Variants in DIP2B observed in about 807,000 individuals in gnomAD.
The protein encoded by DIP2B is DIP2 acetate--CoA ligase B (putative).
In DIP2B, 76 loss-of-function variants were observed where a neutral mutation model predicts 198.0. The observed-to-expected ratio is 0.38, with a 90% CI of 0.32 to 0.46. The LOEUF is 0.46. Among genes scored for constraint, DIP2B ranks in the 20% least tolerant of loss-of-function variants. The probability of loss-of-function intolerance (pLI) is 0.99; values close to 1 mark genes in which losing one functional copy is unlikely to be tolerated. For synonymous variants in DIP2B, 701 were observed against 739.1 expected, an observed-to-expected ratio of 0.95 and a Z score of 0.84; for missense variants, 1,559 against 1,978.4, an observed-to-expected ratio of 0.79 and a Z score of 4.02.
chr12:50,620,250 G>C (rs2139461932), intron 1 of DIP2B, among the ~76,000 whole-genome samples: 1 of 152,266 alleles, frequency 6.6e-6, no homozygotes, highest in African/African-American at 2.4e-5. Flanking sequence ...GGCTTGGGTG[G>C]CTGGCAGGCT....
chr12:50,735,218 T>C (rs1176599042), intron 34 of DIP2B, 88 bp downstream of exon 34: 2 of 1,439,228 alleles, frequency 1.4e-6, no homozygotes, highest in Non-Finnish European at 1.9e-6. Context: ...AATATATTAG[T>C]GTCCAGGGCA....
chr12:50,729,639 A>G (rs1004366896), intron 30 of DIP2B, among the ~76,000 whole-genome samples: 3 of 152,168 alleles, frequency 2.0e-5, no homozygotes, highest in African/African-American at 4.8e-5. Flanking sequence ...TTAAAAACAA[A>G]AAAAAACATT....
chr12:50,716,539 C>CAAAAA (rs1333865062), intron 23 of DIP2B, among the ~76,000 whole-genome samples: 2 of 151,932 alleles, frequency 1.3e-5, no homozygotes, highest in Non-Finnish European at 2.9e-5. Flanking sequence ...AAAAACAAAA[C>CAAAAA]AAAACAAAAC....
At chr12:50,625,792 C>A (rs1937921535) in intron 1 of DIP2B, among the ~76,000 whole-genome samples, 184 bp from the exon 2 acceptor site, 1 of 152,088 alleles carries the variant, frequency 6.6e-6, no homozygotes, top group South Asian at 2.1e-4. Flanking sequence ...TACAGGAAGT[C>A]AGCTCCAAGC....
intron 3 of DIP2B, among the ~76,000 whole-genome samples, chr12:50,649,741 A>G (rs1247186223): frequency 6.6e-6 from 1 of 152,108 alleles, no homozygotes; most frequent in East Asian, 1.9e-4. Flanking sequence ...CTGTAGTCCC[A>G]GCTACTCAGG....
At chr12:50,697,309 T>C in intron 17 of DIP2B, 134 bp downstream of exon 17, 1 of 737,808 alleles carries the variant, frequency 1.4e-6, no homozygotes, top group East Asian at 2.9e-5. Flanking sequence ...TTCCCACTCT[T>C]GCTCAAAGTG....
rs117177376 is a variant in DIP2B at position 50,525,986 on chromosome 12, T to C, written c.100+20746T>C. On this transcript the variant is annotated intron_variant, in intron 1 of 37. Transcript: ENST00000301180. ...TCTTTTTTTCCTGTTTAAAATTTTC[T>C]AATTAATACCAACATTTGAAATGAT... is the stretch of plus-strand genomic sequence containing the variant. 2.6e-5 allele frequency among the ~76,000 whole-genome samples: 4 copies of C among 152,334 alleles called. No homozygotes were observed. In the East Asian group the frequency reaches 7.7e-4, roughly 29 times the overall value.
At position 50,674,461 on chromosome 12, in the gene DIP2B, T is replaced by C; in HGVS notation, c.641-13T>C. On this transcript the variant is annotated splice_polypyrimidine_tract_variant and intron_variant, in intron 5 of 37. Transcript: ENST00000301180. ...CTGCTAATATAATTCTAAACTTTGT[T>C]TTCTCCTCTCAGAGAATTTCTCTGC... The C allele has an allele frequency of 1.2e-6, 2 of 1,614,108 alleles. No homozygotes were observed. Among genetic ancestry groups the C allele is most frequent in the Non-Finnish European group, 1.7e-6 (2 of 1,179,960 alleles).
intron 1 of DIP2B, among the ~76,000 whole-genome samples, chr12:50,593,952 C>CT (rs1158842479): frequency 2.4e-5 from 3 of 123,722 alleles, no homozygotes; most frequent in Admixed American, 1.8e-4. Context: ...CTTTTCTTTT[C>CT]TTTCTTTGAT....
chr12:50,570,712 A>G (rs1424401089), intron 1 of DIP2B, among the ~76,000 whole-genome samples: 1 of 152,274 alleles, frequency 6.6e-6, no homozygotes, highest in African/African-American at 2.4e-5. Flanking sequence ...CGGTCCCCCA[A>G]CAAAGAAAAC....
rs576520816 is a variant in DIP2B, at chr12:50,711,582, A to T, written c.2650-2813A>T. ...TTTGTTTGTTTGTTTTGTTTTTGAG[A>T]TAGAGTTTCACTCTTGTCTCCCAGG... On this transcript the variant is annotated intron_variant, in intron 22 of 37. Coordinates refer to ENST00000301180, the MANE Select transcript of DIP2B (RefSeq NM_173602.3). Among the ~76,000 whole-genome samples the T allele has an allele frequency of 2.6e-5, 4 of 152,152 alleles. 1 individual carries two copies. The highest frequency in any genetic ancestry group is 2.6e-4 in the Admixed American group (4 of 15,268).
chr12:50,573,458 G>A (rs752178661), intron 1 of DIP2B, among the ~76,000 whole-genome samples: 66 of 152,134 alleles, frequency 4.3e-4, no homozygotes, highest in Non-Finnish European at 5.9e-4. Flanking sequence ...TGTAGATACA[G>A]ACCCATTCAG....
At chr12:50,624,907 T>G (rs190712151) in intron 1 of DIP2B, among the ~76,000 whole-genome samples, 5 of 152,178 alleles carry the variant, frequency 3.3e-5, no homozygotes, top group Non-Finnish European at 7.3e-5. Context: ...CACTGCAGCA[T>G]TGGAGGCTGA....
At chr12:50,708,389 C>A in intron 21 of DIP2B, 59 bp from the exon 22 acceptor site, 1 of 1,488,802 alleles carries the variant, frequency 6.7e-7, no homozygotes. Context: ...TCCAGTTAAA[C>A]AAAACAAATA....
At chr12:50,551,102 A>AT (rs1323448082) in intron 1 of DIP2B, among the ~76,000 whole-genome samples, 1 of 151,626 alleles carries the variant, frequency 6.6e-6, no homozygotes, top group Non-Finnish European at 1.5e-5. Context: ...AAGAAAAAAA[A>AT]GAAAGAAAGA....
At chr12:50,532,360 C>T (rs976966000) in intron 1 of DIP2B, among the ~76,000 whole-genome samples, 2 of 151,864 alleles carry the variant, frequency 1.3e-5, no homozygotes, top group Non-Finnish European at 2.9e-5. Flanking sequence ...ACTAAAAATA[C>T]AAAAATTAGC....
rs147973365 is a variant in DIP2B, at chr12:50,619,489, C to T, written c.101-6487C>T. ...AATGTCGTCTGCTCCGTGAAGCATT[C>T]CTTTCCCTACTCAGGCCAAGATCGT... is the stretch of plus-strand genomic sequence containing the variant. On this transcript the variant is annotated intron_variant, in intron 1 of 37. Coordinates refer to ENST00000301180, the MANE Select transcript of DIP2B (RefSeq NM_173602.3). 3.2e-3 allele frequency among the ~76,000 whole-genome samples: 488 copies of T among 152,238 alleles called. 2 individuals carry two copies. Among genetic ancestry groups the T allele is most frequent in the African/African-American group, 0.011 (469 of 41,536 alleles).
At chr12:50,571,352 A>T (rs545731277) in intron 1 of DIP2B, among the ~76,000 whole-genome samples, 1 of 151,102 alleles carries the variant, frequency 6.6e-6, no homozygotes, top group Admixed American at 6.6e-5. Flanking sequence ...TTATATTTTT[A>T]GTAGAGATGG....
At chr12:50,621,304 C>T (rs1937806590) in intron 1 of DIP2B, among the ~76,000 whole-genome samples, 1 of 152,176 alleles carries the variant, frequency 6.6e-6, no homozygotes. Flanking sequence ...TATATTATTC[C>T]TCTCTTCAGG....
Sources: gnomAD v4.1 joint callset for allele counts (sites outside exome capture counted in the v4.1 genomes callset) on GRCh38, gnomAD v4.1.1 for gene constraint, MANE v1.5 for transcripts, NCBI Gene and HGNC (gene_info 2026-07-23, HGNC 2026-07-21) for gene names.